Variants in VPS13C observed in about 807,000 individuals in gnomAD.
VPS13C encodes vacuolar protein sorting 13 homolog C.
A neutral mutation model predicts 456.8 loss-of-function variants in VPS13C; 358 were observed. The ratio of observed to expected loss-of-function variants is 0.78; its 90% CI spans 0.72 to 0.86. VPS13C has a LOEUF of 0.86. Among genes scored for constraint, VPS13C ranks in the 40% least tolerant of loss-of-function variants. VPS13C has a pLI of 0.00. For missense variants in VPS13C, 4,818 were observed against 4,385.4 expected, an observed-to-expected ratio of 1.10 and a Z score of -2.79; for synonymous variants, 1,578 against 1,486.7, an observed-to-expected ratio of 1.06 and a Z score of -1.41.
At chr15:61,991,288 C>G (rs2046216141) in intron 17 of VPS13C, among the ~76,000 whole-genome samples, 194 bp from the exon 18 acceptor site, 1 of 152,028 alleles carries the variant, frequency 6.6e-6, no homozygotes, top group African/African-American at 2.4e-5. Flanking sequence ...CAAGAAAAGG[C>G]AAAGAGACAC....
At chr15:61,892,104 A>G (rs1171011211) in intron 66 of VPS13C, among the ~76,000 whole-genome samples, 1 of 152,052 alleles carries the variant, frequency 6.6e-6, no homozygotes, top group East Asian at 1.9e-4. Context: ...CAGGAAAACC[A>G]CTCCTGGCTC....
rs934738923 is a variant in VPS13C, at chr15:62,013,629, T to C, written c.744+304A>G. 2.6e-5 allele frequency among the ~76,000 whole-genome samples: 4 copies of C among 152,078 alleles called. No homozygotes were observed. In the East Asian group the frequency reaches 7.7e-4, roughly 29 times the overall value. On this transcript the variant is annotated intron_variant, in intron 10 of 84. Transcript: ENST00000644861. ...AATTATGTATAGCTTAGTACTTTAA[T>C]CAATAATCTTACTTGATCAGAGAAT...
intron 57 of VPS13C, among the ~76,000 whole-genome samples, chr15:61,919,737 A>G (rs2043588114): frequency 1.3e-5 from 2 of 150,656 alleles, no homozygotes; most frequent in African/African-American, 4.9e-5. Flanking sequence ...CACAGTGTCA[A>G]CACTGTAAGA....
intron 13 of VPS13C, among the ~76,000 whole-genome samples, chr15:62,010,012 G>C (rs576457948): frequency 6.6e-6 from 1 of 151,712 alleles, no homozygotes; most frequent in Non-Finnish European, 1.5e-5. Context: ...ACAGTGAAAC[G>C]CCATCTCTAC....
chr15:61,952,622 C>A (rs887750762), intron 38 of VPS13C, among the ~76,000 whole-genome samples: 1 of 152,088 alleles, frequency 6.6e-6, no homozygotes, highest in Admixed American at 6.6e-5. Context: ...CTGATATTAA[C>A]CAGAAAAACA....
chr15:61,982,386 T>A, intron 21 of VPS13C, 73 bp downstream of exon 21: 1 of 1,072,666 alleles, frequency 9.3e-7, no homozygotes, highest in South Asian at 1.6e-5. Context: ...ATATTTTGAA[T>A]ACAATGTTTA....
chr15:62,035,110 T>C lies in VPS13C; in HGVS notation c.188-58A>G, dbSNP rs1401622210. ...ATTTGACTGCTCAAGAACACAAAAA[T>C]TTCTCACTTTCCATTAAGCGAAAAA... On this transcript the variant is annotated intron_variant, in intron 3 of 84. Transcript: ENST00000644861. 5.5e-6 allele frequency: 7 copies of C among 1,283,086 alleles called. No homozygotes were observed. In the Admixed American group the frequency reaches 1.1e-4, roughly 21 times the overall value. 79.5% of individuals were successfully genotyped at this position (1,283,086 alleles called of 1,614,324 possible). A position where few individuals can be genotyped will look rare whatever the true frequency, so the allele number is the denominator to read the frequency against.
Position 61,936,235 on chromosome 15 carries a change from A to G in VPS13C, c.5755+362T>C, listed in dbSNP as rs1052650882. ...GAATACCTTCCTTTCTCATGGTTCA[A>G]TCACCTGAGTATGACATGTGATACC... On this transcript the variant is annotated intron_variant, in intron 48 of 84. Transcript: ENST00000644861. Among the ~76,000 whole-genome samples the G allele has an allele frequency of 2.0e-5, 3 of 152,338 alleles. No individual in the cohort carries two copies. In the East Asian group the frequency reaches 5.8e-4, roughly 29 times the overall value.
chr15:62,017,050 G>C (rs559973198), intron 9 of VPS13C, among the ~76,000 whole-genome samples: 1,681 of 150,594 alleles, frequency 0.011, 41 homozygotes, highest in African/African-American at 0.04. Flanking sequence ...TCATGTGTCT[G>C]TTGGCTGCAT....
At chr15:61,994,500 A>T (rs1369956140) in intron 16 of VPS13C, among the ~76,000 whole-genome samples, 1 of 152,108 alleles carries the variant, frequency 6.6e-6, no homozygotes, top group Admixed American at 6.5e-5. Context: ...AGATAAGGCT[A>T]TTCATTGTAG....
chr15:61,924,612 C>T (rs971806960), intron 53 of VPS13C, among the ~76,000 whole-genome samples: 1 of 152,178 alleles, frequency 6.6e-6, no homozygotes, highest in African/African-American at 2.4e-5. Flanking sequence ...GTTTTTCCCT[C>T]ATTTACTACT....
intron 82 of VPS13C, 141 bp from the exon 83 acceptor site, chr15:61,856,550 AT>A (rs555902700): frequency 2.4e-4 from 224 of 918,340 alleles, no homozygotes; most frequent in African/African-American, 8.4e-4. Flanking sequence ...AACCTGCTTC[AT>A]TTTTTTTAAG....
chr15:61,919,995 TCACA>T, intron 57 of VPS13C, 68 bp downstream of exon 57: 4 of 1,348,342 alleles, frequency 3.0e-6, no homozygotes, highest in Admixed American at 2.6e-5. Context: ...AAATGTTTTT[TCACA>T]TTTTATCAAA....
chr15:61,964,046 G>T (rs2045302130), intron 31 of VPS13C, 95 bp from the exon 32 acceptor site: 2 of 671,002 alleles, frequency 3.0e-6, no homozygotes, highest in African/African-American at 3.7e-5. Flanking sequence ...CCACTGTTAT[G>T]TTAAAAAAAA....
At chr15:61,889,882 C>T (rs867856013) in intron 67 of VPS13C, among the ~76,000 whole-genome samples, 14 of 152,074 alleles carry the variant, frequency 9.2e-5, no homozygotes, top group Non-Finnish European at 1.5e-4. Flanking sequence ...TAAACACACA[C>T]ACACACACAC....
chr15:61,960,571 T>C (rs1182916118), intron 35 of VPS13C, among the ~76,000 whole-genome samples: 2 of 152,200 alleles, frequency 1.3e-5, no homozygotes, highest in African/African-American at 4.8e-5. Flanking sequence ...AGACATATGA[T>C]AAAGTATTTA....
intron 1 of VPS13C, among the ~76,000 whole-genome samples, chr15:62,044,705 A>G (rs1464385894): frequency 6.6e-6 from 1 of 152,172 alleles, no homozygotes; most frequent in African/African-American, 2.4e-5. Context: ...CATGTCTCCA[A>G]ACATTCTACC....
intron 47 of VPS13C, among the ~76,000 whole-genome samples, chr15:61,937,323 G>T (rs1028339266): frequency 2.7e-4 from 41 of 152,120 alleles, no homozygotes; most frequent in African/African-American, 9.4e-4. Context: ...CAAAAAATAG[G>T]AAGGTAGCAT....
intron 61 of VPS13C, among the ~76,000 whole-genome samples, chr15:61,913,942 A>G (rs1182065369): frequency 6.6e-6 from 1 of 152,200 alleles, no homozygotes. Flanking sequence ...ACAAGACTCA[A>G]TGGGATAAGA....
Sources: allele counts gnomAD v4.1 joint callset (sites outside exome capture counted in the v4.1 genomes callset), GRCh38; gene constraint gnomAD v4.1.1; transcripts MANE v1.5; gene names NCBI Gene and HGNC (gene_info 2026-07-23, HGNC 2026-07-21).